The following TMTC1 variants were observed in gnomAD, a reference collection of about 807,000 sequenced individuals.
The protein encoded by TMTC1 is transmembrane O-mannosyltransferase targeting cadherins 1.
In TMTC1, 73 loss-of-function variants were observed where a neutral mutation model predicts 104.8. The ratio of observed to expected loss-of-function variants is 0.70; its 90% CI spans 0.58 to 0.85. The LOEUF (loss-of-function observed/expected upper bound fraction) is 0.85, where lower values mean the gene tolerates loss of function less well. Ranked by LOEUF, TMTC1 falls within the 40% of genes least tolerant of loss-of-function variation. The pLI is 0.00. For missense variants in TMTC1, 1,035 were observed against 1,096.1 expected, an observed-to-expected ratio of 0.94 and a Z score of 0.79; for synonymous variants, 434 against 428.7, an observed-to-expected ratio of 1.01 and a Z score of -0.15.
chr12:29,703,601 C>T (rs1347810766), intron 5 of TMTC1, among the ~76,000 whole-genome samples: 1 of 152,158 alleles, frequency 6.6e-6, no homozygotes. Flanking sequence ...CGCATTTTTG[C>T]TAACAGCAAC....
chr12:29,659,931 A>G, intron 5 of TMTC1: 16 of 1,536,120 alleles, frequency 1.0e-5, no homozygotes, highest in Non-Finnish European at 1.4e-5. Context: ...CTCTGAAAAG[A>G]GGGGCATAGA....
At chr12:29,635,312 A>T (rs10771557) in intron 5 of TMTC1, among the ~76,000 whole-genome samples, 1 of 152,084 alleles carries the variant, frequency 6.6e-6, no homozygotes, top group Non-Finnish European at 1.5e-5. Flanking sequence ...CAGACCTTTC[A>T]GGCTGATGCC....
At chr12:29,541,269 A>C (rs1944788972) in intron 10 of TMTC1, among the ~76,000 whole-genome samples, 1 of 152,146 alleles carries the variant, frequency 6.6e-6, no homozygotes, top group Non-Finnish European at 1.5e-5. Flanking sequence ...CTTACCAAGC[A>C]CACTGCTAAG....
intron 1 of TMTC1, among the ~76,000 whole-genome samples, chr12:29,775,218 A>T (rs1943680072): frequency 6.6e-6 from 1 of 152,212 alleles, no homozygotes; most frequent in Non-Finnish European, 1.5e-5. Flanking sequence ...GTCAATTTTT[A>T]GCATTTTTTT....
At chr12:29,743,641 C>G (rs560386567) in intron 5 of TMTC1, among the ~76,000 whole-genome samples, 1 of 152,078 alleles carries the variant, frequency 6.6e-6, no homozygotes, top group Admixed American at 6.5e-5. Context: ...GGAAAGCCCA[C>G]CAAATTATCT....
At chr12:29,599,396 C>T (rs1946494173) in intron 7 of TMTC1, among the ~76,000 whole-genome samples, 1 of 152,176 alleles carries the variant, frequency 6.6e-6, no homozygotes, top group Admixed American at 6.5e-5. Context: ...TGAAGCAATG[C>T]AATGCTAAGC....
chr12:29,710,740 T>G (rs2136836174), intron 5 of TMTC1, among the ~76,000 whole-genome samples: 1 of 139,122 alleles, frequency 7.2e-6, no homozygotes, highest in Non-Finnish European at 1.5e-5. Context: ...TAAACGTATT[T>G]ATATTTATAA....
At chr12:29,628,694 G>A (rs113196880) in intron 6 of TMTC1, among the ~76,000 whole-genome samples, 49 of 152,118 alleles carry the variant, frequency 3.2e-4, no homozygotes, top group East Asian at 3.9e-4. Flanking sequence ...GACAGACTTC[G>A]CTCTGTCACC....
At chr12:29,609,517 C>CAAAT (rs1946788350) in intron 6 of TMTC1, among the ~76,000 whole-genome samples, 1 of 152,192 alleles carries the variant, frequency 6.6e-6, no homozygotes, top group Non-Finnish European at 1.5e-5. Flanking sequence ...TAACTGTCAG[C>CAAAT]CTCCACTTGA....
At chr12:29,521,628 G>T (rs1223365398) in intron 11 of TMTC1, among the ~76,000 whole-genome samples, 1 of 147,620 alleles carries the variant, frequency 6.8e-6, no homozygotes, top group Non-Finnish European at 1.5e-5. Flanking sequence ...AGTGCAATGG[G>T]GCGATCTCGG....
intron 10 of TMTC1, among the ~76,000 whole-genome samples, chr12:29,540,376 TACTG>T (rs1217995201): frequency 2.0e-5 from 3 of 152,210 alleles, no homozygotes; most frequent in Admixed American, 6.5e-5. Flanking sequence ...TAGACAAAAA[TACTG>T]ACCACCATCA....
chr12:29,527,573 TG>T (rs1395697537), intron 11 of TMTC1, among the ~76,000 whole-genome samples: 2 of 152,224 alleles, frequency 1.3e-5, no homozygotes, highest in Non-Finnish European at 2.9e-5. Flanking sequence ...GAAAACTATC[TG>T]TGGCTACGTG....
chr12:29,775,713 A>C (rs1943692057), intron 1 of TMTC1, among the ~76,000 whole-genome samples: 1 of 152,082 alleles, frequency 6.6e-6, no homozygotes, highest in Non-Finnish European at 1.5e-5. Flanking sequence ...GAAATCACTG[A>C]CCACACAACA....
intron 6 of TMTC1, among the ~76,000 whole-genome samples, chr12:29,626,285 T>C (rs1676141049): frequency 6.6e-6 from 1 of 152,180 alleles, no homozygotes; most frequent in South Asian, 2.1e-4. Flanking sequence ...TATAGTATTT[T>C]AGAACTTGAA....
intron 9 of TMTC1, among the ~76,000 whole-genome samples, chr12:29,562,605 G>A (rs186205683): frequency 6.6e-6 from 1 of 152,290 alleles, no homozygotes; most frequent in East Asian, 1.9e-4. Flanking sequence ...CTGCTTTGGT[G>A]GAGTGGAAAA....
At chr12:29,724,217 C>T (rs544482505) in intron 5 of TMTC1, among the ~76,000 whole-genome samples, 3 of 152,250 alleles carry the variant, frequency 2.0e-5, no homozygotes, top group East Asian at 1.9e-4. Context: ...ATTTCATACA[C>T]GACAAGTTTG....
chr12:29,659,985 T>C, intron 5 of TMTC1: 1 of 1,533,558 alleles, frequency 6.5e-7, no homozygotes, highest in East Asian at 2.4e-5. Context: ...GACAAGCACC[T>C]TCAGAAAATA....
Position 29,695,791 on chromosome 12 carries a change from TTTTATATATATATATATATATATA to T in TMTC1, c.938+55851_938+55874del, listed in dbSNP as rs1275709746. On this transcript the variant is annotated intron_variant, in intron 5 of 17. Coordinates refer to ENST00000539277, the MANE Select transcript of TMTC1 (RefSeq NM_001193451.2). ...TCTCACAAATTTTAAACTACTTCCT[TTTTATATATATATATATATATATA>T]TATATATATATATAACCTGTCTTCA... Among the ~76,000 whole-genome samples the T allele has an allele frequency of 2.0e-4, 19 of 95,240 alleles. No individual in the cohort carries two copies. The Admixed American group carries it at 2.1e-3, about 11-fold the overall frequency. 62.5% of individuals were successfully genotyped at this position (95,240 alleles called of 152,430 possible).
At chr12:29,580,812 T>C (rs1450957759) in intron 8 of TMTC1, among the ~76,000 whole-genome samples, 3 of 152,198 alleles carry the variant, frequency 2.0e-5, no homozygotes, top group Non-Finnish European at 2.9e-5. Context: ...CCTGTACTTA[T>C]ATAGTGTTCT....
Sources: allele counts gnomAD v4.1 joint callset (sites outside exome capture counted in the v4.1 genomes callset), GRCh38; gene constraint gnomAD v4.1.1; transcripts MANE v1.5; gene names NCBI Gene and HGNC (gene_info 2026-07-23, HGNC 2026-07-21).